Variants in HS3ST4 observed in about 807,000 individuals in gnomAD.
HS3ST4 encodes the protein heparan sulfate glucosamine 3-O-sulfotransferase 4.
In HS3ST4, 17 loss-of-function variants were observed where a neutral mutation model predicts 29.2. That is an observed-to-expected ratio of 0.58 (90% CI 0.40 to 0.87). The LOEUF is 0.87. Ranked by LOEUF, HS3ST4 falls within the 40% of genes least tolerant of loss-of-function variation. The pLI is 0.00. For synonymous variants in HS3ST4, 314 were observed against 285.7 expected (o/e 1.10, Z -1.00); for missense variants, 627 against 634.5 (o/e 0.99, Z 0.13).
At chr16:26,130,285 G>A (rs1433490345) in intron 1 of HS3ST4, among the ~76,000 whole-genome samples, 2 of 152,180 alleles carry the variant, frequency 1.3e-5, no homozygotes, top group Non-Finnish European at 2.9e-5. Flanking sequence ...TATGGTTCAC[G>A]CTGAAGTGCA....
At chr16:26,107,351 AACAC>A (rs144609224) in intron 1 of HS3ST4, among the ~76,000 whole-genome samples, 2,463 of 149,498 alleles carry the variant, frequency 0.016, 58 homozygotes, top group African/African-American at 0.055. Flanking sequence ...TTGGCATACA[AACAC>A]ACACACACAC....
At chr16:26,033,829 G>A (rs925690121) in intron 1 of HS3ST4, among the ~76,000 whole-genome samples, 6 of 152,146 alleles carry the variant, frequency 3.9e-5, no homozygotes, top group Non-Finnish European at 5.9e-5. Context: ...CAAGCTGGGC[G>A]ATCCTAGCCT....
intron 1 of HS3ST4, among the ~76,000 whole-genome samples, chr16:25,970,184 C>T (rs1045525498): frequency 9.2e-5 from 14 of 152,276 alleles, no homozygotes; most frequent in African/African-American, 1.7e-4. Context: ...GAGTCTAAAG[C>T]GATGAATTCT....
At chr16:26,000,504 G>T (rs928998365) in intron 1 of HS3ST4, among the ~76,000 whole-genome samples, 3 of 152,154 alleles carry the variant, frequency 2.0e-5, no homozygotes, top group African/African-American at 4.8e-5. Context: ...GGAGACAAAG[G>T]ACTTGTATTG....
chr16:25,834,999 C>A (rs1236023535), intron 1 of HS3ST4, among the ~76,000 whole-genome samples: 5 of 151,890 alleles, frequency 3.3e-5, no homozygotes, highest in African/African-American at 1.2e-4. Flanking sequence ...TCCAACCAAC[C>A]AAAGAAAAAA....
chr16:25,953,637 C>A (rs893284746), intron 1 of HS3ST4, among the ~76,000 whole-genome samples: 5 of 152,090 alleles, frequency 3.3e-5, no homozygotes, highest in African/African-American at 1.2e-4. Context: ...CCATCTTAGA[C>A]CATGTCATAA....
At chr16:25,732,335 C>T (rs888125507) in intron 1 of HS3ST4, among the ~76,000 whole-genome samples, 5 of 152,168 alleles carry the variant, frequency 3.3e-5, no homozygotes, top group Non-Finnish European at 5.9e-5. Context: ...GTAGGAATTA[C>T]GTTGACACGT....
intron 1 of HS3ST4, among the ~76,000 whole-genome samples, chr16:25,876,480 T>C (rs974932687): frequency 6.6e-6 from 1 of 152,148 alleles, no homozygotes; most frequent in Non-Finnish European, 1.5e-5. Flanking sequence ...GATTGCAAGA[T>C]GGTTCTAGCA....
chr16:25,760,896 G>A (rs74014844), intron 1 of HS3ST4, among the ~76,000 whole-genome samples: 5,674 of 152,268 alleles, frequency 0.037, 351 homozygotes, highest in African/African-American at 0.13. Context: ...AGGAAGTGGA[G>A]CAGGGCTGAA....
At chr16:25,839,585 G>A (rs1967392885) in intron 1 of HS3ST4, among the ~76,000 whole-genome samples, 1 of 152,138 alleles carries the variant, frequency 6.6e-6, no homozygotes, top group Non-Finnish European at 1.5e-5. Flanking sequence ...TTCTCTTTCA[G>A]TTATTTACAT....
intron 1 of HS3ST4, among the ~76,000 whole-genome samples, chr16:25,767,992 A>T (rs1281244801): frequency 2.6e-5 from 4 of 152,132 alleles, no homozygotes; most frequent in Non-Finnish European, 5.9e-5. Context: ...CTTGGAACTC[A>T]TGGTGGAGAT....
intron 1 of HS3ST4, among the ~76,000 whole-genome samples, chr16:26,026,326 A>G (rs1023879195): frequency 6.6e-6 from 1 of 152,358 alleles, no homozygotes; most frequent in Non-Finnish European, 1.5e-5. Context: ...GCATTTGGTC[A>G]CAACAGAAAG....
intron 1 of HS3ST4, among the ~76,000 whole-genome samples, chr16:26,055,574 A>G (rs1726188333): frequency 6.6e-6 from 1 of 152,132 alleles, no homozygotes; most frequent in African/African-American, 2.4e-5. Context: ...TAATCTAGCT[A>G]AGGCTAGCAA....
intron 1 of HS3ST4, among the ~76,000 whole-genome samples, chr16:26,050,096 C>T (rs942916991): frequency 1.3e-5 from 2 of 152,160 alleles, no homozygotes; most frequent in East Asian, 1.9e-4. Flanking sequence ...GCCCTCTCCC[C>T]CCTGGAGACT....
chr16:25,804,642 C>T (rs890630892), intron 1 of HS3ST4, among the ~76,000 whole-genome samples: 1 of 152,010 alleles, frequency 6.6e-6, no homozygotes, highest in Non-Finnish European at 1.5e-5. Context: ...GTTACAAGTT[C>T]TTTTCCTAGG....
At position 25,989,933 on chromosome 16, in the gene HS3ST4, C is replaced by T. The variant is rs187368629; in HGVS notation, c.735-145679C>T. ...TTAGGGCTAATTCTTGGTGTTTGTA[C>T]GTGCCATGGGTTTTGACAAATATGT... On this transcript the variant is annotated intron_variant, in intron 1 of 1. Transcript: ENST00000331351. Among the ~76,000 whole-genome samples, 4 of 152,258 alleles carry T rather than the reference C, an allele frequency of 2.6e-5. No homozygotes were observed. The East Asian group carries it at 5.8e-4, about 22-fold the overall frequency.
At chr16:25,793,066 AT>A (rs1415664283) in intron 1 of HS3ST4, among the ~76,000 whole-genome samples, 1 of 151,766 alleles carries the variant, frequency 6.6e-6, no homozygotes, top group African/African-American at 2.4e-5. Flanking sequence ...CATTTTGGAT[AT>A]TTTAGTTTTT....
intron 1 of HS3ST4, among the ~76,000 whole-genome samples, chr16:25,925,549 G>A (rs1323299902): frequency 6.6e-6 from 1 of 152,164 alleles, no homozygotes; most frequent in African/African-American, 2.4e-5. Context: ...GGATTAAGCA[G>A]AGAAACCTCT....
intron 1 of HS3ST4, among the ~76,000 whole-genome samples, chr16:25,779,483 C>A (rs1966850723): frequency 6.6e-6 from 1 of 152,180 alleles, no homozygotes; most frequent in Non-Finnish European, 1.5e-5. Flanking sequence ...CTCATTTATT[C>A]ATTTAATCAA....
Sources: allele counts gnomAD v4.1 joint callset (sites outside exome capture counted in the v4.1 genomes callset), GRCh38; gene constraint gnomAD v4.1.1; transcripts MANE v1.5; gene names NCBI Gene and HGNC (gene_info 2026-07-23, HGNC 2026-07-21).